SPTBN4: variants seen among roughly 807,000 people sequenced by gnomAD.
The protein encoded by SPTBN4 is spectrin beta, non-erythrocytic 4, also known as spectrin beta chain, non-erythrocytic 4.
A neutral mutation model predicts 277.8 loss-of-function variants in SPTBN4; 96 were observed. That is an observed-to-expected ratio of 0.35 (90% CI 0.29 to 0.41). The LOEUF is 0.41. Ranked by LOEUF, SPTBN4 falls within the 10% of genes least tolerant of loss-of-function variation. SPTBN4 has a pLI of 1.00. For missense variants in SPTBN4, 3,006 were observed against 3,595.7 expected (o/e 0.84, Z 4.19); for synonymous variants, 1,481 against 1,580.3 (o/e 0.94, Z 1.49).
At chr19:40,550,130 T>C in intron 21 of SPTBN4, 108 bp from the exon 22 acceptor site, 2 of 825,878 alleles carry the variant, frequency 2.4e-6, no homozygotes, top group Non-Finnish European at 3.8e-6. Flanking sequence ...TCAACTGGGC[T>C]CTTAGGCAAG....
rs1399921424 is a variant in SPTBN4 at position 40,569,665 on chromosome 19, C to A, written c.6965C>A (p.Thr2322Asn). ...IRGDLVKGKATLADIVEQLQE... is the reference protein window; with the variant it reads ...IRGDLVKGKANLADIVEQLQE... ...TGTCCCCCATCCCCCAGGAAGGCCA[C>A]CCTGGCTGACATTGTGGAACAGCTG... The change falls in exon 32 of 36, where the codon ACC becomes AAC. Residue 2322 changes from threonine to asparagine, a missense_variant. Physicochemically the swap from Thr to Asn is moderately conservative, Grantham distance 65. This residue lies in a region of SPTBN4 where 630 missense variants were observed against 677.6 expected (regional missense o/e 0.93). Coordinates refer to ENST00000598249, the MANE Select transcript of SPTBN4 (RefSeq NM_020971.3). The A allele has an allele frequency of 1.2e-6, 2 of 1,612,740 alleles. No individual in the cohort carries two copies. The highest frequency in any genetic ancestry group is 1.7e-6 in the Non-Finnish European group (2 of 1,179,488).
chr19:40,527,345 G>A (rs754223995), intron 17 of SPTBN4, among the ~76,000 whole-genome samples: 12 of 151,894 alleles, frequency 7.9e-5, no homozygotes, highest in Non-Finnish European at 1.5e-4. Context: ...AATATAAGTC[G>A]AGCGTGTACT....
In SPTBN4 at chr19:40,513,390, C is replaced by A; in HGVS notation, c.2601C>A (p.Thr867=). The A allele has an allele frequency of 6.2e-7, 1 of 1,604,928 alleles. No individual in the cohort carries two copies. Among genetic ancestry groups the A allele is most frequent in the Non-Finnish European group, 8.5e-7 (1 of 1,177,140 alleles). ...CAGAGCAGTTGTTCGCTGAGGTGAC[C>A]GAAGTGGCGGCGCTGAGGCGCCAGT... ...VEAEQLFAEV[T]EVAALRRQWL... The change falls in exon 14 of 36, where the codon ACC becomes ACA. Residue 867 remains threonine (T), a synonymous_variant. Coordinates refer to ENST00000598249, the MANE Select transcript of SPTBN4 (RefSeq NM_020971.3).
At chr19:40,516,695 G>A (rs1410892653) in intron 15 of SPTBN4, among the ~76,000 whole-genome samples, 1 of 152,092 alleles carries the variant, frequency 6.6e-6, no homozygotes, top group African/African-American at 2.4e-5. Context: ...ATGGTGGCAT[G>A]TGCCTGTAGT....
At chr19:40,558,433 G>A (rs1015153059) in intron 26 of SPTBN4, among the ~76,000 whole-genome samples, 1 of 151,974 alleles carries the variant, frequency 6.6e-6, no homozygotes, top group Non-Finnish European at 1.5e-5. Flanking sequence ...TGATGGGGGC[G>A]AATTTAATGA....
intron 2 of SPTBN4, among the ~76,000 whole-genome samples, chr19:40,474,681 C>T (rs1052044310): frequency 6.0e-4 from 91 of 151,976 alleles, no homozygotes; most frequent in Non-Finnish European, 1.2e-3. Context: ...GGATGGATCA[C>T]TTGAGATCAG....
chr19:40,482,955 C>A (rs2080029088), intron 2 of SPTBN4, among the ~76,000 whole-genome samples: 1 of 151,468 alleles, frequency 6.6e-6, no homozygotes. Context: ...AGGGAGACTC[C>A]ATTTCAAAAA....
chr19:40,560,624 G>A lies in SPTBN4; in HGVS notation c.5915+221G>A. ...GTCATGGGGCATCCTTCTGTCCGCT[G>A]TCCTTCCCAGTTGCCTATTATTACC... On this transcript the variant is annotated intron_variant, in intron 27 of 35. Coordinates refer to ENST00000598249, the MANE Select transcript of SPTBN4 (RefSeq NM_020971.3). The surrounding 1 kb of genome is among the most constrained non-coding windows in gnomAD (Gnocchi z 5.2). The A allele has an allele frequency of 7.0e-7, 1 of 1,436,332 alleles. No homozygotes were observed. Among genetic ancestry groups the A allele is most frequent in the South Asian group, 1.5e-5 (1 of 67,382 alleles). The allele number at this position is 1,436,332 out of a possible 1,614,324, so 89.0% of individuals were successfully genotyped here.
In SPTBN4 at chr19:40,565,522, G is replaced by A; in HGVS notation, c.6015G>A (p.Gly2005=). The A allele has an allele frequency of 3.1e-6, 5 of 1,614,146 alleles. No individual in the cohort carries two copies. Among genetic ancestry groups the A allele is most frequent in the Non-Finnish European group, 4.2e-6 (5 of 1,180,008 alleles). The change falls in exon 28 of 36, where the codon GGG becomes GGA. Residue 2005 remains glycine, a synonymous_variant. Transcript: ENST00000598249. ...VPELTTCQEL[G]RSLLLNKSAM... Reference sequence around the variant, plus strand: ...AGCTGACCACCTGCCAGGAGCTGGGGCGATCTCTGCTGCTCAACAAAAGTG... The same window carrying A: ...AGCTGACCACCTGCCAGGAGCTGGGACGATCTCTGCTGCTCAACAAAAGTG...
At chr19:40,535,809 C>T (rs531800579) in intron 20 of SPTBN4, among the ~76,000 whole-genome samples, 4 of 151,936 alleles carry the variant, frequency 2.6e-5, no homozygotes, top group South Asian at 4.2e-4. Flanking sequence ...TGGTGGTGCA[C>T]GCCTGTAATC....
Position 40,502,637 on chromosome 19 carries a change from TA to T in SPTBN4, c.1203+133del. 6.9e-7 allele frequency: 1 copy of T among 1,441,282 alleles called. No individual in the cohort carries two copies. The allele number at this position is 1,441,282 out of a possible 1,614,324, so 89.3% of individuals were successfully genotyped here. On this transcript the variant is annotated intron_variant, in intron 10 of 35. Coordinates refer to ENST00000598249, the MANE Select transcript of SPTBN4 (RefSeq NM_020971.3). This position sits in a 1 kb window ranked among gnomAD's most constrained non-coding sequence, Gnocchi z 4.9. ...ATTCATTCTGACAGTTTTTCAGTAGTAAAGTGTCATAAGGAAGCAATATTTT... is the reference window on the plus strand; with the variant it reads ...ATTCATTCTGACAGTTTTTCAGTAGTAAGTGTCATAAGGAAGCAATATTTT...
At chr19:40,565,637 C>T (rs746387520) in intron 28 of SPTBN4, 24 bp from the exon 29 acceptor site, 7 of 1,555,636 alleles carry the variant, frequency 4.5e-6, no homozygotes, top group East Asian at 2.4e-5. Flanking sequence ...CCTGACTTCC[C>T]TCCCACCCAC....
At chr19:40,523,913 C>T (rs56364110) in intron 17 of SPTBN4, among the ~76,000 whole-genome samples, 52,477 of 151,998 alleles carry the variant, frequency 0.35, 9,520 homozygotes, top group Middle Eastern at 0.4. Context: ...AAGTGATTCT[C>T]CTGCCTCAGC....
In SPTBN4 at chr19:40,487,890, G is replaced by T. The variant is rs772739051; in HGVS notation, c.321+42G>T. ...GGCTGGGGCAGGGGTCCTCCCTGGG[G>T]TCTCAGGCTGGGGGTTGGGCTTCTC... On this transcript the variant is annotated intron_variant, in intron 3 of 35. Coordinates refer to ENST00000598249, the MANE Select transcript of SPTBN4 (RefSeq NM_020971.3). 9.8e-6 allele frequency: 15 copies of T among 1,534,234 alleles called. No individual in the cohort carries two copies. In the Admixed American group the frequency reaches 3.0e-4, roughly 31 times the overall value.
At chr19:40,558,469 T>A (rs898069026) in intron 26 of SPTBN4, among the ~76,000 whole-genome samples, 1 of 152,106 alleles carries the variant, frequency 6.6e-6, no homozygotes. Flanking sequence ...TATTAGAAAT[T>A]AGGCAGAGGT....
At chr19:40,532,815 G>A in intron 19 of SPTBN4, 44 bp downstream of exon 19, 1 of 1,568,324 alleles carries the variant, frequency 6.4e-7, no homozygotes, top group Non-Finnish European at 8.7e-7. Flanking sequence ...GGTGCAGGAG[G>A]CCTCCAGGGA....
In SPTBN4 at chr19:40,519,959, G is replaced by C; in HGVS notation, c.3462G>C (p.Glu1154Asp). 1 of 1,541,860 alleles carries C rather than the reference G, an allele frequency of 6.5e-7. No homozygotes were observed. Among genetic ancestry groups the C allele is most frequent in the Non-Finnish European group, 8.7e-7 (1 of 1,151,688 alleles). ...EDYARIVAAS[E>D]ALLAADGAEL... is the part of the protein sequence containing the mutation. ...ATGCTCGCATCGTGGCGGCCAGCGAGGCGCTGCTGGCCGCCGACGGCGCAG... is the reference window on the plus strand; with the variant it reads ...ATGCTCGCATCGTGGCGGCCAGCGACGCGCTGCTGGCCGCCGACGGCGCAG... The change falls in exon 16 of 36, where the codon GAG becomes GAC. Residue 1154 changes from glutamate to aspartate, a missense_variant. By Grantham distance (45) the Glu-to-Asp change is conservative (BLOSUM62 2). This residue lies in a region of SPTBN4 where 1,759 missense variants were observed against 2,061.5 expected (regional missense o/e 0.85). Coordinates refer to ENST00000598249, the MANE Select transcript of SPTBN4 (RefSeq NM_020971.3). This position sits in a 1 kb window ranked among gnomAD's most constrained non-coding sequence, Gnocchi z 5.7.
chr19:40,549,430 G>C lies in SPTBN4; in HGVS notation c.4584+17G>C. On this transcript the variant is annotated intron_variant, in intron 21 of 35. Coordinates refer to ENST00000598249, the MANE Select transcript of SPTBN4 (RefSeq NM_020971.3). The stretch of plus-strand genomic sequence containing the variant: ...GACGAGCTGGTGAGGCCAGCGCAGG[G>C]GCCTGGGGCGGGGCGGGGCGGGGCG... The C allele has an allele frequency of 7.2e-7, 1 of 1,391,046 alleles. No homozygotes were observed. Among genetic ancestry groups the C allele is most frequent in the Non-Finnish European group, 9.3e-7 (1 of 1,071,000 alleles). 86.2% of individuals were successfully genotyped at this position (1,391,046 alleles called of 1,614,324 possible). A position where few individuals can be genotyped will look rare whatever the true frequency, so the allele number is the denominator to read the frequency against.
intron 13 of SPTBN4, among the ~76,000 whole-genome samples, chr19:40,508,201 G>T (rs62107050): frequency 6.6e-6 from 1 of 152,052 alleles, no homozygotes; most frequent in African/African-American, 2.4e-5. Flanking sequence ...AGAGAGGGAC[G>T]GCCTTACCAG....
Sources: allele counts gnomAD v4.1 joint callset (sites outside exome capture counted in the v4.1 genomes callset), GRCh38; gene constraint gnomAD v4.1.1; regional missense constraint gnomAD v4.1.1; non-coding constraint Gnocchi (gnomAD v3.1); transcripts MANE v1.5; gene names NCBI Gene and HGNC (gene_info 2026-07-23, HGNC 2026-07-21).